VEPH1: variants seen among roughly 807,000 people sequenced by gnomAD.
VEPH1 encodes the protein ventricular zone expressed PH domain containing 1.
VEPH1 carries 80 observed loss-of-function variants against 85.2 expected under a neutral mutation model. That is an observed-to-expected ratio of 0.94 (90% CI 0.78 to 1.13). VEPH1 has a LOEUF of 1.13. Among genes scored for constraint, VEPH1 ranks in the 50% most tolerant of loss-of-function variants. VEPH1 has a pLI of 0.00. For synonymous variants in VEPH1, 297 were observed against 348.0 expected (o/e 0.85, Z 1.63); for missense variants, 955 against 980.5 (o/e 0.97, Z 0.35).
Position 157,274,524 on chromosome 3 carries a change from G to A in VEPH1, c.2129-8862C>T, listed in dbSNP as rs114337943. On this transcript the variant is annotated intron_variant, in intron 12 of 13. Transcript: ENST00000362010. ...GCATGTGTGTGTGTTTTAAAGACAG[G>A]GTCTCTTTTGTTGCTCAGGCTGGAA... 9.3e-3 allele frequency among the ~76,000 whole-genome samples: 1,418 copies of A among 152,138 alleles called. 15 individuals are homozygous for A. Among genetic ancestry groups the A allele is most frequent in the Middle Eastern group, 0.017 (5 of 294 alleles).
intron 4 of VEPH1, among the ~76,000 whole-genome samples, chr3:157,459,223 T>A (rs1259791494): frequency 1.3e-5 from 2 of 152,196 alleles, no homozygotes; most frequent in East Asian, 1.9e-4. Flanking sequence ...GGGACCTGCA[T>A]GGCAGTGGCC....
intron 4 of VEPH1, chr3:157,437,706 C>G (rs1287026266): frequency 2.0e-6 from 3 of 1,531,588 alleles, no homozygotes; most frequent in South Asian, 1.2e-5. Flanking sequence ...CGGGGGCTCC[C>G]GCAGAGGCCA....
intron 4 of VEPH1, chr3:157,459,939 GAT>G: frequency 1.3e-6 from 2 of 1,537,194 alleles, no homozygotes; most frequent in Non-Finnish European, 1.7e-6. Flanking sequence ...GAGAAACACA[GAT>G]TTGGAAGAAT....
intron 6 of VEPH1, among the ~76,000 whole-genome samples, chr3:157,389,913 T>A (rs912700036): frequency 1.3e-5 from 2 of 152,250 alleles, no homozygotes; most frequent in Non-Finnish European, 2.9e-5. Context: ...TCCCTTCTAC[T>A]TGGCTACCAT....
Position 157,286,547 on chromosome 3 carries a change from G to A in VEPH1, c.2128+10C>T. The A allele has an allele frequency of 6.2e-7, 1 of 1,602,908 alleles. No homozygotes were observed. Among genetic ancestry groups the A allele is most frequent in the Non-Finnish European group, 8.5e-7 (1 of 1,169,922 alleles). On this transcript the variant is annotated intron_variant, in intron 12 of 13. Coordinates refer to ENST00000362010, the MANE Select transcript of VEPH1 (RefSeq NM_001167912.2). The stretch of plus-strand genomic sequence containing the variant: ...CAAATGGTTCTTAGCAGCAGGTAAG[G>A]GTCTCTCACCAGTTGCTTTCTCAGG...
rs560278210 is a variant in VEPH1, at chr3:157,358,597, G to C, written c.1735+4767C>G. Reference sequence around the variant, plus strand: ...CAGATGGGACCAACTGGACCAGGAGGATGTGAGCACCCCACAGTCACACCA... The same window carrying C: ...CAGATGGGACCAACTGGACCAGGAGCATGTGAGCACCCCACAGTCACACCA... On this transcript the variant is annotated intron_variant, in intron 9 of 13. Transcript: ENST00000362010. Among the ~76,000 whole-genome samples, 7 of 152,304 alleles carry C rather than the reference G, an allele frequency of 4.6e-5. No homozygotes were observed. In the East Asian group the frequency reaches 1.3e-3, roughly 29 times the overall value.
At chr3:157,451,809 T>G (rs1734990558) in intron 4 of VEPH1, among the ~76,000 whole-genome samples, 1 of 152,178 alleles carries the variant, frequency 6.6e-6, no homozygotes, top group South Asian at 2.1e-4. Flanking sequence ...GTGGCTCTGC[T>G]CATAAAATTT....
chr3:157,327,743 T>C (rs1190513409), intron 9 of VEPH1, among the ~76,000 whole-genome samples: 2 of 152,194 alleles, frequency 1.3e-5, no homozygotes, highest in East Asian at 3.8e-4. Context: ...AAATTTCTTA[T>C]ATGAAAACTG....
At chr3:157,502,572 A>G (rs1401765332) in intron 1 of VEPH1, among the ~76,000 whole-genome samples, 4 of 152,238 alleles carry the variant, frequency 2.6e-5, no homozygotes, top group Non-Finnish European at 5.9e-5. Context: ...GGAAAACTCA[A>G]TGTTAAATGT....
chr3:157,498,700 C>A lies in VEPH1; in HGVS notation c.-157-3194G>T, dbSNP rs186216523. On this transcript the variant is annotated intron_variant, in intron 1 of 13. Transcript: ENST00000362010. ...CCTTCCTAAATAAGGACTGGCAAGGCACATTATTTATTTTTCAGCAGCTCT... is the reference window on the plus strand; with the variant it reads ...CCTTCCTAAATAAGGACTGGCAAGGAACATTATTTATTTTTCAGCAGCTCT... Among the ~76,000 whole-genome samples the A allele has an allele frequency of 1.8e-3, 278 of 152,294 alleles. 2 individuals carry two copies. Among genetic ancestry groups the A allele is most frequent in the Non-Finnish European group, 2.4e-3 (162 of 68,034 alleles).
intron 2 of VEPH1, among the ~76,000 whole-genome samples, chr3:157,492,277 C>T (rs376586147): frequency 6.6e-6 from 1 of 152,134 alleles, no homozygotes; most frequent in East Asian, 1.9e-4. Flanking sequence ...GACTTGAGAA[C>T]AGCATGAAAC....
At chr3:157,395,739 G>A (rs983528888) in intron 6 of VEPH1, among the ~76,000 whole-genome samples, 7 of 151,882 alleles carry the variant, frequency 4.6e-5, no homozygotes, top group African/African-American at 1.7e-4. Context: ...AGGTTTGGGG[G>A]TGCAAGTGAA....
chr3:157,473,479 GC>G (rs2109498716), intron 2 of VEPH1, among the ~76,000 whole-genome samples: 1 of 151,970 alleles, frequency 6.6e-6, no homozygotes, highest in Non-Finnish European at 1.5e-5. Context: ...GTTTCATGCA[GC>G]CTTTCTGAGA....
Position 157,280,345 on chromosome 3 carries a change from G to A in VEPH1, c.2128+6212C>T, listed in dbSNP as rs577023013. ...TATGTGGAAAAGGACACATTACTAC[G>A]TATAGTGATTTGTTAGTGGATAATC... On this transcript the variant is annotated intron_variant, in intron 12 of 13. Transcript: ENST00000362010. Among the ~76,000 whole-genome samples the A allele has an allele frequency of 5.9e-5, 9 of 152,150 alleles. No homozygotes were observed. In the South Asian group the frequency reaches 6.2e-4, roughly 11 times the overall value.
intron 9 of VEPH1, among the ~76,000 whole-genome samples, chr3:157,338,426 T>A (rs1027029501): frequency 6.6e-6 from 1 of 152,234 alleles, no homozygotes; most frequent in Non-Finnish European, 1.5e-5. Context: ...TATTGCTAGC[T>A]TAGATCTTTA....
chr3:157,275,296 C>T (rs1050941509), intron 12 of VEPH1, among the ~76,000 whole-genome samples: 3 of 152,118 alleles, frequency 2.0e-5, no homozygotes, highest in African/African-American at 7.2e-5. Context: ...AAACCCCAGG[C>T]CAGGCAAGGT....
intron 11 of VEPH1, among the ~76,000 whole-genome samples, chr3:157,311,617 TTCCC>T (rs555288366): frequency 2.0e-3 from 304 of 152,340 alleles, no homozygotes; most frequent in African/African-American, 6.9e-3. Context: ...ACAGTTAATT[TTCCC>T]TTAGAGAAAT....
intron 5 of VEPH1, among the ~76,000 whole-genome samples, chr3:157,424,928 G>A (rs1732637916): frequency 6.6e-6 from 1 of 152,208 alleles, no homozygotes; most frequent in Non-Finnish European, 1.5e-5. Flanking sequence ...GGAGTCAAAT[G>A]TTAATCCCCA....
At chr3:157,293,834 G>T (rs1717811847) in intron 11 of VEPH1, among the ~76,000 whole-genome samples, 1 of 152,196 alleles carries the variant, frequency 6.6e-6, no homozygotes, top group African/African-American at 2.4e-5. Context: ...TGAAACTTCA[G>T]TTCATTAAAA....
Sources: allele counts gnomAD v4.1 joint callset (sites outside exome capture counted in the v4.1 genomes callset), GRCh38; gene constraint gnomAD v4.1.1; transcripts MANE v1.5; gene names NCBI Gene and HGNC (gene_info 2026-07-23, HGNC 2026-07-21).